The following SLC35A5 variants were observed in gnomAD, a reference collection of about 807,000 sequenced individuals.
SLC35A5 encodes the protein solute carrier family 35 member A5.
In SLC35A5, 28 loss-of-function variants were observed where a neutral mutation model predicts 36.3. The ratio of observed to expected loss-of-function variants is 0.77; its 90% CI spans 0.57 to 1.06. The LOEUF (loss-of-function observed/expected upper bound fraction) is 1.06, where lower values mean the gene tolerates loss of function less well. Among genes scored for constraint, SLC35A5 ranks in the 50% least tolerant of loss-of-function variants. The probability of loss-of-function intolerance (pLI) is 0.00; values close to 1 mark genes in which losing one functional copy is unlikely to be tolerated. For missense variants in SLC35A5, 521 were observed against 499.3 expected (o/e 1.04, Z -0.41); for synonymous variants, 180 against 173.7 (o/e 1.04, Z -0.29).
chr3:112,571,612 C>T (rs1372729584), intron 4 of SLC35A5, among the ~76,000 whole-genome samples: 1 of 152,144 alleles, frequency 6.6e-6, no homozygotes, highest in Non-Finnish European at 1.5e-5. Flanking sequence ...GTTTAATGGA[C>T]GCACAGTTCC....
intron 4 of SLC35A5, among the ~76,000 whole-genome samples, chr3:112,572,747 C>G (rs1934502377): frequency 6.6e-6 from 1 of 152,186 alleles, no homozygotes; most frequent in Non-Finnish European, 1.5e-5. Flanking sequence ...GGCCAAAGAG[C>G]TCTGATGTTT....
intron 1 of SLC35A5, 82 bp from the exon 2 acceptor site, chr3:112,563,303 C>T (rs1415581407): frequency 7.7e-7 from 1 of 1,305,202 alleles, no homozygotes; most frequent in African/African-American, 1.5e-5. Flanking sequence ...TTTAAAAATT[C>T]CTTTTTTGTC....
chr3:112,580,464 A>G, intron 5 of SLC35A5, 82 bp from the exon 6 acceptor site: 1 of 1,436,348 alleles, frequency 7.0e-7, no homozygotes, highest in Non-Finnish European at 9.3e-7. Context: ...TCAACCAAAT[A>G]CTCAAGTGTC....
At chr3:112,573,804 T>C in intron 4 of SLC35A5, 85 bp from the exon 5 acceptor site, 1 of 1,139,366 alleles carries the variant, frequency 8.8e-7, no homozygotes, top group Non-Finnish European at 1.3e-6. Context: ...AAAAAGCTTT[T>C]TTTGTCAGGT....
chr3:112,568,032 G>C (rs372223456), intron 2 of SLC35A5, among the ~76,000 whole-genome samples: 25 of 152,298 alleles, frequency 1.6e-4, no homozygotes, highest in Admixed American at 1.2e-3. Context: ...AAATTCAGGT[G>C]AACATTTATT....
In SLC35A5 at chr3:112,580,605, C is replaced by T. The variant is rs765849068; in HGVS notation, c.488C>T (p.Ala163Val). The change falls in exon 6 of 7, where the codon GCC becomes GTC. Residue 163 changes from alanine (A) to valine (V), a missense_variant. Ala to Val is a moderately conservative substitution (Grantham distance 64, BLOSUM62 0). Transcript: ENST00000492406. Reference protein sequence around the residue: ...SLLTLFLSIVALTAGTKTLQH... With the variant: ...SLLTLFLSIVVLTAGTKTLQH... ...CTGACTTTATTTTTGTCTATTGTGG[C>T]CTTGACTGCCGGGACTAAAACTTTA... 2.5e-6 allele frequency: 4 copies of T among 1,614,014 alleles called. No homozygotes were observed. Among genetic ancestry groups the T allele is most frequent in the Non-Finnish European group, 3.4e-6 (4 of 1,179,936 alleles).
intron 5 of SLC35A5, among the ~76,000 whole-genome samples, chr3:112,579,081 C>A (rs1250256157): frequency 6.6e-6 from 1 of 152,156 alleles, no homozygotes; most frequent in Non-Finnish European, 1.5e-5. Flanking sequence ...ATGCTGCTAT[C>A]TAGGCTAGTC....
At chr3:112,563,664 T>TAAATAATC in intron 2 of SLC35A5, 131 bp downstream of exon 2, 1 of 973,346 alleles carries the variant, frequency 1.0e-6, no homozygotes, top group Non-Finnish European at 1.4e-6. Flanking sequence ...AAAGCATATT[T>TAAATAATC]AAATTTGATT....
At position 112,563,460 on chromosome 3, in the gene SLC35A5, AT is replaced by A. The variant is rs1559853835; in HGVS notation, c.59del (p.Phe20SerfsTer3). 5.0e-6 allele frequency: 8 copies of A among 1,606,246 alleles called. No individual in the cohort carries two copies. The highest frequency in any genetic ancestry group is 6.0e-6 in the Non-Finnish European group (7 of 1,173,970). The stretch of plus-strand genomic sequence containing the variant: ...TATGCTCCTTGTCAACAATGTATAC[AT>A]TCCTGCTAGGTGCCATATTCATTGC... Reference protein sequence around the residue: ...VICSLSTMYTFLLGAIFIALS... With the variant: ...VICSLSTMYTXLLGAIFIALS... On this transcript the variant is annotated frameshift_variant, in exon 2 of 7. Coordinates refer to ENST00000492406, the MANE Select transcript of SLC35A5 (RefSeq NM_017945.5). LOFTEE classifies it high-confidence loss of function.
In SLC35A5 at chr3:112,563,613, T is replaced by A. The variant is rs905960307; in HGVS notation, c.130+80T>A. ...CTCTTGCCTTTGGTTCTGTTATATATAACATGGAAATAATAATGCCTTTTG... is the reference window on the plus strand; with the variant it reads ...CTCTTGCCTTTGGTTCTGTTATATAAAACATGGAAATAATAATGCCTTTTG... On this transcript the variant is annotated intron_variant, in intron 2 of 6. Transcript: ENST00000492406. The A allele has an allele frequency of 3.3e-5, 44 of 1,331,262 alleles. No homozygotes were observed. In the South Asian group the frequency reaches 5.9e-4, roughly 18 times the overall value. 82.5% of individuals were successfully genotyped at this position (1,331,262 alleles called of 1,614,324 possible). A position where few individuals can be genotyped will look rare whatever the true frequency, so the allele number is the denominator to read the frequency against.
chr3:112,563,549 G>C lies in SLC35A5; in HGVS notation c.130+16G>C. 1.3e-6 allele frequency: 2 copies of C among 1,584,896 alleles called. No individual in the cohort carries two copies. Among genetic ancestry groups the C allele is most frequent in the Non-Finnish European group, 1.7e-6 (2 of 1,158,282 alleles). On this transcript the variant is annotated intron_variant, in intron 2 of 6. Coordinates refer to ENST00000492406, the MANE Select transcript of SLC35A5 (RefSeq NM_017945.5). ...GCCAATGAAGGTAAGTTAAGACTTGGTATATGCATGGAGCACTTCCATCTA... is the reference window on the plus strand; with the variant it reads ...GCCAATGAAGGTAAGTTAAGACTTGCTATATGCATGGAGCACTTCCATCTA...
Position 112,580,766 on chromosome 3 carries a change from T to G in SLC35A5, c.649T>G (p.Trp217Gly). 6.2e-7 allele frequency: 1 copy of G among 1,614,198 alleles called. No homozygotes were observed. ...GGAATGGACTTTTCCTGAAGCTAAA[T>G]GGAACACCACAGCCAGAGTTTTCAG... ...AKEWTFPEAK[W>G]NTTARVFSHI... Residue 217 changes from tryptophan (W) to glycine (G), a missense_variant, in exon 6 of 7, where the codon TGG (tryptophan) becomes GGG (glycine). By Grantham distance (184) the Trp-to-Gly change is radical. Transcript: ENST00000492406.
intron 2 of SLC35A5, among the ~76,000 whole-genome samples, chr3:112,566,585 G>A (rs1274670174): frequency 1.3e-5 from 2 of 152,078 alleles, no homozygotes; most frequent in Non-Finnish European, 2.9e-5. Context: ...TAGCGAGATG[G>A]GATAACTAAA....
chr3:112,563,518 T>G lies in SLC35A5; in HGVS notation c.115T>G (p.Tyr39Asp). The part of the protein sequence containing the change: ...LSSSRILLVK[Y>D]SANEENKYDY... ...CTCAAGTCGCATCTTACTAGTGAAG[T>G]ATTCTGCCAATGAAGGTAAGTTAAG... Residue 39 changes from tyrosine (Y) to aspartate (D), a missense_variant, in exon 2 of 7, where the codon TAT (tyrosine) becomes GAT (aspartate). Coordinates refer to ENST00000492406, the MANE Select transcript of SLC35A5 (RefSeq NM_017945.5). 1.9e-6 allele frequency: 3 copies of G among 1,603,178 alleles called. No individual in the cohort carries two copies. Among genetic ancestry groups the G allele is most frequent in the Non-Finnish European group, 2.6e-6 (3 of 1,171,766 alleles).
intron 4 of SLC35A5, among the ~76,000 whole-genome samples, chr3:112,571,935 T>G (rs909346274): frequency 2.3e-5 from 3 of 129,148 alleles, no homozygotes; most frequent in South Asian, 5.5e-4. Flanking sequence ...TTTTTTTTTT[T>G]TTTTTTTTTT....
At position 112,569,288 on chromosome 3, in the gene SLC35A5, C is replaced by T; in HGVS notation, c.229+19C>T. 1.3e-6 allele frequency: 2 copies of T among 1,592,978 alleles called. No homozygotes were observed. The highest frequency in any genetic ancestry group is 1.7e-6 in the Non-Finnish European group (2 of 1,162,700). On this transcript the variant is annotated intron_variant, in intron 3 of 6. Coordinates refer to ENST00000492406, the MANE Select transcript of SLC35A5 (RefSeq NM_017945.5). ...AAGAAAGGTAAGTCTTGAAATGGTA[C>T]TATATACTTGTTAATCATAGGACCA... is the stretch of plus-strand genomic sequence containing the variant.
At chr3:112,570,763 T>TA in intron 4 of SLC35A5, 93 bp downstream of exon 4, 1 of 1,260,190 alleles carries the variant, frequency 7.9e-7, no homozygotes, top group Non-Finnish European at 1.1e-6. Context: ...TTGGCATTGT[T>TA]AGTTTCTCAT....
chr3:112,573,858 G>A, intron 4 of SLC35A5, 31 bp from the exon 5 acceptor site: 1 of 1,583,772 alleles, frequency 6.3e-7, no homozygotes, highest in Non-Finnish European at 8.7e-7. Flanking sequence ...ACTTCATTTG[G>A]ATTGTAACTC....
chr3:112,564,109 TG>T (rs1157743438), intron 2 of SLC35A5: 1 of 152,128 alleles, frequency 6.6e-6, no homozygotes, highest in East Asian at 1.9e-4. Context: ...TCCACATCTG[TG>T]GGTGTTTCTC....
Sources: allele counts gnomAD v4.1 joint callset (sites outside exome capture counted in the v4.1 genomes callset), GRCh38; gene constraint gnomAD v4.1.1; transcripts MANE v1.5; gene names NCBI Gene and HGNC (gene_info 2026-07-23, HGNC 2026-07-21).